The following HECW1 variants were observed in gnomAD, a reference collection of about 807,000 sequenced individuals.
The protein encoded by HECW1 is E3 ubiquitin-protein ligase HECW1.
A neutral mutation model predicts 182.3 loss-of-function variants in HECW1; 61 were observed. The ratio of observed to expected loss-of-function variants is 0.33; its 90% CI spans 0.27 to 0.41. The LOEUF (loss-of-function observed/expected upper bound fraction) is 0.41. HECW1 is among the 10% of genes least tolerant of loss of function. The pLI is 1.00. For missense variants in HECW1, 1,739 were observed against 2,108.9 expected (o/e 0.82, Z 3.44); for synonymous variants, 859 against 832.6 (o/e 1.03, Z -0.55).
intron 6 of HECW1, among the ~76,000 whole-genome samples, chr7:43,362,230 C>A (rs959967942): frequency 6.6e-5 from 10 of 151,384 alleles, no homozygotes; most frequent in Admixed American, 4.6e-4. Context: ...TTCCATTTTG[C>A]TGCTTTGCAA....
At chr7:43,317,390 G>T (rs2152777668) in intron 4 of HECW1, among the ~76,000 whole-genome samples, 1 of 152,362 alleles carries the variant, frequency 6.6e-6, no homozygotes, top group East Asian at 1.9e-4. Flanking sequence ...TCCCAGGGCA[G>T]CCCTTGCGAG....
At chr7:43,394,830 T>C (rs1014941802) in intron 6 of HECW1, among the ~76,000 whole-genome samples, 4 of 151,776 alleles carry the variant, frequency 2.6e-5, no homozygotes, top group Non-Finnish European at 5.9e-5. Flanking sequence ...GAGACCGGAG[T>C]TTATTATTAC....
intron 4 of HECW1, among the ~76,000 whole-genome samples, chr7:43,319,386 T>C: frequency 1.9e-5 from 1 of 52,006 alleles, no homozygotes; most frequent in Non-Finnish European, 3.5e-5. Context: ...AGAGCGAGAC[T>C]CCGTCTCAAA....
chr7:43,402,414 G>A (rs1230549055), intron 7 of HECW1, among the ~76,000 whole-genome samples: 1 of 152,148 alleles, frequency 6.6e-6, no homozygotes, highest in Non-Finnish European at 1.5e-5. Flanking sequence ...CCACACCCCT[G>A]TTGCATGTCC....
chr7:43,509,612 C>G (rs1385432935), intron 24 of HECW1: 2 of 153,770 alleles, frequency 1.3e-5, no homozygotes, highest in African/African-American at 4.8e-5. Flanking sequence ...CCTGGGTGGT[C>G]TGCTGTTGAG....
At chr7:43,485,231 T>A (rs907823396) in intron 17 of HECW1, among the ~76,000 whole-genome samples, 1 of 152,190 alleles carries the variant, frequency 6.6e-6, no homozygotes, top group Non-Finnish European at 1.5e-5. Flanking sequence ...GCTTCTTTGA[T>A]GGCAGAAGTC....
chr7:43,447,242 A>G (rs527471331), intron 11 of HECW1, among the ~76,000 whole-genome samples: 17 of 152,022 alleles, frequency 1.1e-4, no homozygotes, highest in Non-Finnish European at 2.2e-4. Context: ...TTTAGTGCAC[A>G]GTTTTTTGGC....
chr7:43,257,476 G>A (rs1017271266), intron 3 of HECW1, among the ~76,000 whole-genome samples: 2 of 152,146 alleles, frequency 1.3e-5, no homozygotes, highest in Non-Finnish European at 2.9e-5. Flanking sequence ...GCAGATTAGG[G>A]CCCGAAGCAA....
At chr7:43,319,433 A>G (rs991367967) in intron 4 of HECW1, among the ~76,000 whole-genome samples, 2 of 149,312 alleles carry the variant, frequency 1.3e-5, no homozygotes, top group African/African-American at 4.9e-5. Context: ...TAGGTTGCAA[A>G]GTGATGAGCA....
chr7:43,493,170 C>G lies in HECW1; in HGVS notation c.3427C>G (p.His1143Asp). The G allele has an allele frequency of 3.1e-6, 5 of 1,612,104 alleles. No individual in the cohort carries two copies. The highest frequency in any genetic ancestry group is 4.2e-6 in the Non-Finnish European group (5 of 1,178,466). The change falls in exon 19 of 30, where the codon CAC becomes GAC. Residue 1143 changes from histidine to aspartate, a missense_variant. Physicochemically the swap from His to Asp is moderately conservative, Grantham distance 81. This residue lies in a region of HECW1 where 971 missense variants were observed against 1,029.1 expected (regional missense o/e 0.94). Coordinates refer to ENST00000395891, the MANE Select transcript of HECW1 (RefSeq NM_015052.5). ...GCGTCAGCCAAGCTTAGCAAGAAAC[C>G]ACACACTCAGGTAAGCCTCGCCCCT... ...QERQPSLARN[H>D]TLREKIHYIR...
rs1470527522 is a variant in HECW1 at position 43,371,744 on chromosome 7, ACT to A, written c.555+10767_555+10768del. On this transcript the variant is annotated intron_variant, in intron 6 of 29. Transcript: ENST00000395891. Reference sequence around the variant, plus strand: ...CTCCGTTAGGGAGACTGGATGATACACTCTAACGGCAAAAGCAGCAGGGGAGC... The same window carrying A: ...CTCCGTTAGGGAGACTGGATGATACACTAACGGCAAAAGCAGCAGGGGAGC... Among the ~76,000 whole-genome samples, 3 of 152,162 alleles carry A rather than the reference ACT, an allele frequency of 2.0e-5. No homozygotes were observed. In the East Asian group the frequency reaches 5.8e-4, roughly 29 times the overall value.
chr7:43,229,555 T>A (rs2152708062), intron 2 of HECW1, among the ~76,000 whole-genome samples: 1 of 152,046 alleles, frequency 6.6e-6, no homozygotes, highest in Non-Finnish European at 1.5e-5. Flanking sequence ...GATGAAATAA[T>A]CTGTACCACA....
At chr7:43,481,924 G>A (rs868236676) in intron 17 of HECW1, among the ~76,000 whole-genome samples, 5 of 147,250 alleles carry the variant, frequency 3.4e-5, no homozygotes, top group Admixed American at 1.4e-4. Flanking sequence ...GCAGTGAGCC[G>A]AGATGGCACC....
intron 3 of HECW1, among the ~76,000 whole-genome samples, chr7:43,288,668 T>A (rs1216576170): frequency 6.6e-6 from 1 of 152,184 alleles, no homozygotes; most frequent in Non-Finnish European, 1.5e-5. Flanking sequence ...TGAGATGTGA[T>A]AGCTGATAAA....
chr7:43,323,654 A>T (rs963135630), intron 5 of HECW1, among the ~76,000 whole-genome samples: 3 of 152,274 alleles, frequency 2.0e-5, no homozygotes, highest in Middle Eastern at 3.4e-3. Flanking sequence ...ATATAAAACC[A>T]TCTCTTTATA....
At chr7:43,467,277 G>A (rs114576340) in intron 15 of HECW1, among the ~76,000 whole-genome samples, 1,994 of 152,070 alleles carry the variant, frequency 0.013, 41 homozygotes, top group African/African-American at 0.045. Context: ...TGCTCTGGGG[G>A]CGCCAGGGAG....
chr7:43,223,633 T>G (rs765129082), intron 2 of HECW1, among the ~76,000 whole-genome samples: 1 of 151,224 alleles, frequency 6.6e-6, no homozygotes, highest in Non-Finnish European at 1.5e-5. Flanking sequence ...AAAAAAAAAA[T>G]ATGCCAAGTT....
At chr7:43,299,550 T>G (rs1376651737) in intron 3 of HECW1, among the ~76,000 whole-genome samples, 1 of 152,134 alleles carries the variant, frequency 6.6e-6, no homozygotes, top group Non-Finnish European at 1.5e-5. Flanking sequence ...AAAAAAAAAG[T>G]TTCCAAACTG....
rs184544113 is a variant in HECW1, at chr7:43,184,653, G to A, written c.-31-59222G>A. ...GGAGCAGAGACGGGCTAAAGGTTGA[G>A]TTGATCACCAATGGCCAATGATTTA... On this transcript the variant is annotated intron_variant, in intron 2 of 29. Coordinates refer to ENST00000395891, the MANE Select transcript of HECW1 (RefSeq NM_015052.5). 9.1e-4 allele frequency among the ~76,000 whole-genome samples: 138 copies of A among 152,294 alleles called. 1 individual carries two copies. The highest frequency in any genetic ancestry group is 3.3e-3 in the African/African-American group (136 of 41,562).
Sources: gnomAD v4.1 joint callset for allele counts (sites outside exome capture counted in the v4.1 genomes callset) on GRCh38, gnomAD v4.1.1 for gene constraint, gnomAD v4.1.1 regional missense constraint, MANE v1.5 for transcripts, NCBI Gene and HGNC (gene_info 2026-07-23, HGNC 2026-07-21) for gene names.